Variants in TEX11 observed in about 807,000 individuals in gnomAD.
TEX11 encodes testis-expressed protein 11.
A neutral mutation model predicts 84.4 loss-of-function variants in TEX11; 7 were observed. The ratio of observed to expected loss-of-function variants is 0.08; its 90% confidence interval spans 0.05 to 0.16. The LOEUF (loss-of-function observed/expected upper bound fraction) is 0.16, where lower values mean the gene tolerates loss of function less well. Ranked by LOEUF, TEX11 falls within the 10% of genes least tolerant of loss-of-function variation. The pLI is 1.00. For synonymous variants in TEX11, 264 were observed against 222.8 expected, an observed-to-expected ratio of 1.18 and a Z score of -1.64; for missense variants, 551 against 660.5, an observed-to-expected ratio of 0.83 and a Z score of 1.82.
At chrX:70,844,297 T>C (rs2091465306) in intron 7 of TEX11, among the ~76,000 whole-genome samples, 1 of 109,280 alleles carries the variant, frequency 9.2e-6, no homozygotes, top group African/African-American at 3.3e-5. Flanking sequence ...AAGGATGAGT[T>C]CATGTCCTTT....
intron 20 of TEX11, among the ~76,000 whole-genome samples, chrX:70,621,599 C>A (rs2089395765): frequency 5.2e-5 from 3 of 58,009 alleles, no homozygotes; most frequent in Non-Finnish European, 9.2e-5. Context: ...AAATATTAAA[C>A]TTAAAAAATA....
At chrX:70,591,907 T>C in intron 24 of TEX11, 84 bp from the exon 25 acceptor site, 2 of 614,156 alleles carry the variant, frequency 3.3e-6, no homozygotes, top group Non-Finnish European at 4.9e-6. Flanking sequence ...ATCATTTTCA[T>C]TAAAAACAGG....
intron 8 of TEX11, among the ~76,000 whole-genome samples, chrX:70,826,668 A>C (rs890149782): frequency 2.7e-5 from 3 of 111,644 alleles, no homozygotes; most frequent in African/African-American, 9.8e-5. Flanking sequence ...AGTAGAGAAA[A>C]AAGTCATGCT....
rs1355495310 is a variant in TEX11 at position 70,777,047 on chromosome X, AT to A, written c.692+29657del. Among the ~76,000 whole-genome samples the A allele has an allele frequency of 7.0e-4, 72 of 102,789 alleles. 1 individual carries two copies. Among genetic ancestry groups the A allele is most frequent in the East Asian group, 1.5e-3 (5 of 3,260 alleles). 89.3% of individuals were successfully genotyped at this position (102,789 alleles called of 115,157 possible). On this transcript the variant is annotated intron_variant, in intron 9 of 29. Coordinates refer to ENST00000374333, the MANE Select transcript of TEX11 (RefSeq NM_031276.3). Reference sequence around the variant, plus strand: ...CTTTTATTTATTTATTATTATTATTATTTTTTTTTTTGTAGAGAGGAGGTTT... The same window carrying A: ...CTTTTATTTATTTATTATTATTATTATTTTTTTTTTGTAGAGAGGAGGTTT...
intron 28 of TEX11, among the ~76,000 whole-genome samples, chrX:70,532,117 G>T (rs960794205): frequency 6.3e-5 from 7 of 111,706 alleles, no homozygotes; most frequent in Non-Finnish European, 1.1e-4. Flanking sequence ...TGGAAATGCC[G>T]CATTCTATAT....
intron 7 of TEX11, among the ~76,000 whole-genome samples, chrX:70,850,080 C>A (rs1285840344): frequency 8.9e-6 from 1 of 111,924 alleles, no homozygotes; most frequent in African/African-American, 3.2e-5. Context: ...TGATAAAAGG[C>A]TACTCCTTAT....
chrX:70,589,654 C>G (rs1273779532), intron 25 of TEX11, among the ~76,000 whole-genome samples: 1 of 111,306 alleles, frequency 9.0e-6, no homozygotes, highest in Non-Finnish European at 1.9e-5. Flanking sequence ...TCCCAAGTAG[C>G]TGGGATTACG....
intron 13 of TEX11, among the ~76,000 whole-genome samples, chrX:70,709,255 A>T (rs1163267658): frequency 1.8e-5 from 2 of 111,487 alleles, no homozygotes; most frequent in Admixed American, 9.6e-5. Context: ...GTTACATGGG[A>T]ATATCTGAAT....
At chrX:70,580,354 TAG>T (rs1241677241) in intron 25 of TEX11, among the ~76,000 whole-genome samples, 1 of 111,932 alleles carries the variant, frequency 8.9e-6, no homozygotes, top group Non-Finnish European at 1.9e-5. Context: ...GTAAAAAATA[TAG>T]AAAGAATGAA....
At chrX:70,688,530 G>T (rs2090207459) in intron 13 of TEX11, among the ~76,000 whole-genome samples, 1 of 110,347 alleles carries the variant, frequency 9.1e-6, no homozygotes, top group African/African-American at 3.3e-5. Flanking sequence ...ATGTGACATT[G>T]CAGAAATGGC....
chrX:70,768,159 G>A (rs1347728092), intron 9 of TEX11, among the ~76,000 whole-genome samples: 1 of 111,664 alleles, frequency 9.0e-6, no homozygotes, highest in Non-Finnish European at 1.9e-5. Context: ...GTAACACAAA[G>A]GATAAATGCT....
chrX:70,659,991 C>T (rs945089490), intron 16 of TEX11, among the ~76,000 whole-genome samples: 2 of 112,275 alleles, frequency 1.8e-5, no homozygotes, highest in Non-Finnish European at 3.8e-5. Context: ...TAGCCCATTG[C>T]TCCTAGGCTA....
chrX:70,845,471 C>A (rs1474649607), intron 7 of TEX11, among the ~76,000 whole-genome samples: 1 of 111,222 alleles, frequency 9.0e-6, no homozygotes, highest in Non-Finnish European at 1.9e-5. Context: ...CCACTTCATT[C>A]ATTTTTATGA....
At chrX:70,817,717 G>A (rs1004073636) in intron 8 of TEX11, among the ~76,000 whole-genome samples, 1 of 108,063 alleles carries the variant, frequency 9.3e-6, no homozygotes, top group African/African-American at 3.4e-5. Context: ...TCCAGCCTGG[G>A]TGACAGAGTG....
At chrX:70,759,710 A>G (rs149974344) in intron 9 of TEX11, among the ~76,000 whole-genome samples, 1,865 of 111,620 alleles carry the variant, frequency 0.017, 38 homozygotes, top group African/African-American at 0.058. Flanking sequence ...GCACAAGACA[A>G]GGATGCCCTC....
At chrX:70,526,733 G>A (rs1219331336), downstream of TEX11, among the ~76,000 whole-genome samples, 2 of 110,669 alleles carry the variant, frequency 1.8e-5, no homozygotes, top group Admixed American at 9.7e-5. Flanking sequence ...TGTCACCCTC[G>A]TAACAATGAG....
At chrX:70,670,554 G>A (rs1369641212) in intron 15 of TEX11, 40 bp from the exon 16 acceptor site, 13 of 1,159,831 alleles carry the variant, frequency 1.1e-5, no homozygotes, top group Non-Finnish European at 1.5e-5. Flanking sequence ...CAGCGATGTC[G>A]CTACCCTATC....
At chrX:70,718,426 A>C (rs5936965) in intron 13 of TEX11, among the ~76,000 whole-genome samples, 58,687 of 110,587 alleles carry the variant, frequency 0.53, 12,652 homozygotes, top group Middle Eastern at 0.73. Flanking sequence ...CCTTGCCAAA[A>C]GCATTTCCCC....
chrX:70,578,836 T>C (rs1407996410), intron 25 of TEX11, among the ~76,000 whole-genome samples: 1 of 99,508 alleles, frequency 1.0e-5, no homozygotes, highest in East Asian at 3.3e-4. Context: ...AATTGCACGA[T>C]CTTGGCTCAC....
Sources: gnomAD v4.1 joint callset for allele counts (sites outside exome capture counted in the v4.1 genomes callset) on GRCh38, gnomAD v4.1.1 for gene constraint, MANE v1.5 for transcripts, NCBI Gene and HGNC (gene_info 2026-07-23, HGNC 2026-07-21) for gene names.